The following CFAP52 variants were observed in gnomAD, a reference collection of about 807,000 sequenced individuals.
CFAP52 encodes the protein cilia and flagella associated protein 52.
In CFAP52, 57 loss-of-function variants were observed where a neutral mutation model predicts 70.5. That is an observed-to-expected ratio of 0.81 (90% CI 0.65 to 1.01). The LOEUF is 1.01. Ranked by LOEUF, CFAP52 falls within the 50% of genes least tolerant of loss-of-function variation. CFAP52 has a pLI of 0.00. For missense variants in CFAP52, 785 were observed against 788.5 expected, an observed-to-expected ratio of 1.00 and a Z score of 0.05; for synonymous variants, 267 against 292.5, an observed-to-expected ratio of 0.91 and a Z score of 0.89.
chr17:9,640,858 G>T (rs1411478270), intron 12 of CFAP52, among the ~76,000 whole-genome samples: 2 of 152,204 alleles, frequency 1.3e-5, no homozygotes, highest in East Asian at 1.9e-4. Context: ...TGCCCAGGCT[G>T]GTCTCGCATT....
chr17:9,616,368 A>G lies in CFAP52; in HGVS notation c.1025+3889A>G, dbSNP rs1338163491. On this transcript the variant is annotated intron_variant, in intron 8 of 13. Coordinates refer to ENST00000352665, the MANE Select transcript of CFAP52 (RefSeq NM_145054.5). The stretch of plus-strand genomic sequence containing the variant: ...GTCCTACGCCCACGGAATCTCGCTG[A>G]TTGCTAGCACAGCAGTCTGAGATCA... 9.3e-5 allele frequency among the ~76,000 whole-genome samples: 11 copies of G among 118,116 alleles called. No individual in the cohort carries two copies. The East Asian group carries it at 1.2e-3, about 13-fold the overall frequency. The allele number at this position is 118,116 out of a possible 152,430, so 77.5% of individuals were successfully genotyped here. A position where few individuals can be genotyped will look rare whatever the true frequency, so the allele number is the denominator to read the frequency against.
Position 9,589,452 on chromosome 17 carries a change from G to A in CFAP52, c.407+2618G>A, listed in dbSNP as rs150918260. Among the ~76,000 whole-genome samples the A allele has an allele frequency of 3.9e-3, 593 of 152,136 alleles. 2 individuals are homozygous for A. Among genetic ancestry groups the A allele is most frequent in the African/African-American group, 0.013 (555 of 41,514 alleles). On this transcript the variant is annotated intron_variant, in intron 3 of 13. Transcript: ENST00000352665. The stretch of plus-strand genomic sequence containing the variant: ...ACTGTTTCTGATAATAAATGTATTG[G>A]CCGGGTGTGGCAGCTCACGCCTGAA...
At chr17:9,638,872 G>C in intron 12 of CFAP52, 161 bp downstream of exon 12, 2 of 641,144 alleles carry the variant, frequency 3.1e-6, no homozygotes, top group East Asian at 2.7e-5. Flanking sequence ...TCACCTTCCA[G>C]TGTCTTCACT....
chr17:9,591,016 T>G (rs575776565), intron 3 of CFAP52, among the ~76,000 whole-genome samples: 1 of 145,072 alleles, frequency 6.9e-6, no homozygotes, highest in African/African-American at 2.5e-5. Flanking sequence ...GGACATCCTA[T>G]AGTTTGCATG....
intron 8 of CFAP52, among the ~76,000 whole-genome samples, chr17:9,623,629 T>C (rs1910128488): frequency 6.6e-6 from 1 of 152,172 alleles, no homozygotes. Context: ...TAAGTTGTCA[T>C]CTGTTACCTT....
rs777156974 is a variant in CFAP52 at position 9,643,077 on chromosome 17, A to T, written c.1742A>T (p.His581Leu). 11 of 1,612,296 alleles carry T rather than the reference A, an allele frequency of 6.8e-6. No homozygotes were observed. The East Asian group carries it at 2.2e-4, about 33-fold the overall frequency. The change falls in exon 14 of 14, where the codon CAC (histidine) becomes CTC (leucine). Residue 581 changes from histidine to leucine, a missense_variant. Coordinates refer to ENST00000352665, the MANE Select transcript of CFAP52 (RefSeq NM_145054.5). ...VWDYNEGEVT[H>L]VGVGHSGNIT... ...GATTATAATGAGGGTGAAGTGACTC[A>T]CGTTGGGGTGGGACACAGTGGCAAC... is the stretch of plus-strand genomic sequence containing the variant.
chr17:9,644,420 TAATA>T (rs963415371), downstream of CFAP52, among the ~76,000 whole-genome samples: 15 of 152,220 alleles, frequency 9.9e-5, no homozygotes, highest in Non-Finnish European at 1.6e-4. Flanking sequence ...CAAGAATATT[TAATA>T]AATGATGATC....
chr17:9,622,718 A>G lies in CFAP52; in HGVS notation c.1026-5954A>G, dbSNP rs189006381. ...AATGGAGTTTGTATTGAAGTATAAC[A>G]TATATGCAAAATACATAAATCATAA... On this transcript the variant is annotated intron_variant, in intron 8 of 13. Coordinates refer to ENST00000352665, the MANE Select transcript of CFAP52 (RefSeq NM_145054.5). 6.4e-3 allele frequency among the ~76,000 whole-genome samples: 977 copies of G among 152,324 alleles called. 5 individuals are homozygous for G. The highest frequency in any genetic ancestry group is 0.01 in the Middle Eastern group (3 of 294).
intron 4 of CFAP52, among the ~76,000 whole-genome samples, chr17:9,594,892 G>GT (rs1567623484): frequency 2.6e-5 from 1 of 39,048 alleles, no homozygotes; most frequent in South Asian, 1.5e-3. Context: ...AATTAGGGAG[G>GT]GTTTTTTTTT....
At chr17:9,594,160 A>C in intron 3 of CFAP52, 33 bp from the exon 4 acceptor site, 3 of 1,530,234 alleles carry the variant, frequency 2.0e-6, no homozygotes, top group Non-Finnish European at 1.8e-6. Flanking sequence ...TTTCTCTTTG[A>C]CTTTTTTTTT....
intron 9 of CFAP52, among the ~76,000 whole-genome samples, chr17:9,631,058 G>GAAAGAAAGAAAGAAAGAAAGA (rs1910502018): frequency 8.6e-6 from 1 of 115,676 alleles, no homozygotes; most frequent in African/African-American, 3.7e-5. Flanking sequence ...GAGAGAGAAA[G>GAAAGAAAGAAAGAAAGAAAGA]AAAGAAAGAA....
At chr17:9,631,195 G>T (rs181005315) in intron 9 of CFAP52, among the ~76,000 whole-genome samples, 352 of 151,672 alleles carry the variant, frequency 2.3e-3, no homozygotes, top group African/African-American at 8.3e-3. Context: ...CACCTACAAG[G>T]CTCCATGTGA....
chr17:9,594,556 G>A (rs1461349867), intron 4 of CFAP52: 5 of 337,870 alleles, frequency 1.5e-5, no homozygotes, highest in South Asian at 1.2e-4. Flanking sequence ...CTGCTTAACT[G>A]TTCTCAGGTT....
intron 6 of CFAP52, among the ~76,000 whole-genome samples, chr17:9,605,754 A>G (rs1909464947): frequency 6.8e-6 from 1 of 146,366 alleles, no homozygotes; most frequent in Non-Finnish European, 1.5e-5. Flanking sequence ...GCAGGGAGGG[A>G]GGAGTGAATG....
intron 7 of CFAP52, chr17:9,610,222 G>T (rs886075872): frequency 2.0e-5 from 3 of 152,056 alleles, no homozygotes; most frequent in Non-Finnish European, 4.4e-5. Context: ...AACTATGTTG[G>T]GTTATCTCTG....
At chr17:9,586,038 A>G (rs1597763448) in intron 2 of CFAP52, 66 bp downstream of exon 2, 4 of 1,530,372 alleles carry the variant, frequency 2.6e-6, no homozygotes, top group East Asian at 2.3e-5. Flanking sequence ...GAACTGCCCC[A>G]CTTCAAGTTG....
At position 9,587,847 on chromosome 17, in the gene CFAP52, G is replaced by A. The variant is rs73975738; in HGVS notation, c.407+1013G>A. Among the ~76,000 whole-genome samples the A allele has an allele frequency of 2.2e-3, 330 of 152,274 alleles. 1 individual carries two copies. Among genetic ancestry groups the A allele is most frequent in the African/African-American group, 7.5e-3 (310 of 41,542 alleles). ...TGACAAGGGCCCTGTCCCCTCTAAT[G>A]TTCTCTCTTGGCCCGTCTGTATTTC... On this transcript the variant is annotated intron_variant, in intron 3 of 13. Transcript: ENST00000352665.
At chr17:9,578,094 A>AAAAT (rs202001632) in intron 1 of CFAP52, among the ~76,000 whole-genome samples, 3,683 of 152,266 alleles carry the variant, frequency 0.024, 54 homozygotes, top group South Asian at 0.035. Flanking sequence ...TCCGTCTCAA[A>AAAAT]AAATAAATAA....
chr17:9,606,364 C>T (rs1381974464), intron 6 of CFAP52, among the ~76,000 whole-genome samples: 1 of 131,074 alleles, frequency 7.6e-6, no homozygotes, highest in Admixed American at 8.6e-5. Context: ...GCCTGGGTGG[C>T]AGAGACCCTG....
Sources: gnomAD v4.1 joint callset for allele counts (sites outside exome capture counted in the v4.1 genomes callset) on GRCh38, gnomAD v4.1.1 for gene constraint, MANE v1.5 for transcripts, NCBI Gene and HGNC (gene_info 2026-07-23, HGNC 2026-07-21) for gene names.